The following PIP4K2A variants were observed in gnomAD, a reference collection of about 807,000 sequenced individuals.
PIP4K2A encodes phosphatidylinositol 5-phosphate 4-kinase type-2 alpha.
A neutral mutation model predicts 42.9 loss-of-function variants in PIP4K2A; 14 were observed. The ratio of observed to expected loss-of-function variants is 0.33; its 90% confidence interval spans 0.22 to 0.51. The LOEUF (loss-of-function observed/expected upper bound fraction) is 0.51. Among genes scored for constraint, PIP4K2A ranks in the 20% least tolerant of loss-of-function variants. The probability of loss-of-function intolerance (pLI) is 0.97; values close to 1 mark genes in which losing one functional copy is unlikely to be tolerated. For synonymous variants in PIP4K2A, 192 were observed against 192.2 expected (o/e 1.00, Z 0.01); for missense variants, 434 against 519.8 (o/e 0.83, Z 1.61).
intron 3 of PIP4K2A, among the ~76,000 whole-genome samples, chr10:22,601,983 C>T (rs965510062): frequency 1.3e-5 from 2 of 152,220 alleles, no homozygotes; most frequent in Non-Finnish European, 2.9e-5. Context: ...TTTCAAGCTG[C>T]TCCGTGCTTT....
chr10:22,578,293 G>C (rs1435487406), intron 4 of PIP4K2A, among the ~76,000 whole-genome samples: 1 of 152,126 alleles, frequency 6.6e-6, no homozygotes, highest in Non-Finnish European at 1.5e-5. Flanking sequence ...CTGTTGCTCT[G>C]TAACCCCCCA....
intron 3 of PIP4K2A, among the ~76,000 whole-genome samples, chr10:22,606,167 T>G (rs1049287226): frequency 3.5e-5 from 5 of 144,350 alleles, no homozygotes; most frequent in African/African-American, 5.1e-5. Context: ...AAAAATTAGC[T>G]GGGCATGGTG....
Position 22,712,913 on chromosome 10 carries a change from GGTGTGT to G in PIP4K2A, c.144+1264_144+1269del, listed in dbSNP as rs35439666. 5.4e-5 allele frequency among the ~76,000 whole-genome samples: 8 copies of G among 147,500 alleles called. No individual in the cohort carries two copies. In the South Asian group the frequency reaches 6.5e-4, roughly 12 times the overall value. On this transcript the variant is annotated intron_variant, in intron 1 of 9. Coordinates refer to ENST00000376573, the MANE Select transcript of PIP4K2A (RefSeq NM_005028.5). ...TTTTAAACAACTTCACTACATTGAG[GGTGTGT>G]GTGTGTGTGTGTGTGTGTGTGTCTG...
intron 1 of PIP4K2A, among the ~76,000 whole-genome samples, chr10:22,664,168 CATATATATATATACATATATAT>C (rs1839292590): frequency 3.3e-5 from 1 of 30,228 alleles, no homozygotes; most frequent in East Asian, 7.4e-4. Context: ...TATATATATA[CATATATATATATACATATATAT>C]ACATATATAT....
At chr10:22,659,473 T>C (rs1289622572) in intron 1 of PIP4K2A, 2 of 152,186 alleles carry the variant, frequency 1.3e-5, no homozygotes, top group Non-Finnish European at 2.9e-5. Context: ...GTAATAACAA[T>C]AACATGAGAT....
chr10:22,598,853 A>G (rs1383064780), intron 3 of PIP4K2A, among the ~76,000 whole-genome samples: 4 of 152,202 alleles, frequency 2.6e-5, no homozygotes, highest in African/African-American at 7.2e-5. Context: ...AGTTTATGGG[A>G]AAAAAATCTA....
intron 1 of PIP4K2A, among the ~76,000 whole-genome samples, chr10:22,614,453 G>A (rs1043814900): frequency 2.0e-5 from 3 of 152,112 alleles, no homozygotes; most frequent in African/African-American, 7.2e-5. Context: ...TTTCTTCCAG[G>A]TGGCCTTTCA....
chr10:22,543,987 G>C (rs1448622507), intron 7 of PIP4K2A, among the ~76,000 whole-genome samples: 1 of 152,192 alleles, frequency 6.6e-6, no homozygotes, highest in Non-Finnish European at 1.5e-5. Flanking sequence ...AAGGAGGGGT[G>C]AATTCAGGGC....
intron 1 of PIP4K2A, among the ~76,000 whole-genome samples, chr10:22,664,102 T>TACGTATATATATACATATATATATAC (rs1839275779): frequency 2.3e-5 from 2 of 86,668 alleles, no homozygotes; most frequent in Non-Finnish European, 3.8e-5. Context: ...TATATATATA[T>TACGTATATATATACATATATATATAC]ACATATATAT....
intron 1 of PIP4K2A, among the ~76,000 whole-genome samples, chr10:22,632,570 C>T (rs537506152): frequency 7.2e-4 from 109 of 152,220 alleles, no homozygotes; most frequent in Non-Finnish European, 8.8e-4. Context: ...TCTCTCACAC[C>T]CCACTGGGAT....
intron 2 of PIP4K2A, among the ~76,000 whole-genome samples, chr10:22,608,997 AC>A (rs1564441180): frequency 6.6e-6 from 1 of 152,154 alleles, no homozygotes; most frequent in Non-Finnish European, 1.5e-5. Context: ...ACATATGCAC[AC>A]ACCCCTCCCT....
intron 1 of PIP4K2A, among the ~76,000 whole-genome samples, chr10:22,692,138 CA>C (rs1444195173): frequency 6.6e-5 from 10 of 151,814 alleles, no homozygotes; most frequent in African/African-American, 2.4e-4. Flanking sequence ...TGTTTTCCTG[CA>C]ACTAGATGGT....
chr10:22,660,427 C>T (rs1221975179), intron 1 of PIP4K2A, among the ~76,000 whole-genome samples: 2 of 152,000 alleles, frequency 1.3e-5, no homozygotes, highest in African/African-American at 4.8e-5. Flanking sequence ...GCTGAGATCA[C>T]GCCACTGCAC....
chr10:22,539,912 GGAGAGAGAGA>G (rs35358870), intron 9 of PIP4K2A, 49 bp downstream of exon 9: 44 of 452,208 alleles, frequency 9.7e-5, no homozygotes, highest in African/African-American at 9.7e-4. Context: ...AGAGAGAGAG[GGAGAGAGAGA>G]GAGAGAGAGG....
chr10:22,642,916 A>T (rs1218191697), intron 1 of PIP4K2A, among the ~76,000 whole-genome samples: 1 of 152,160 alleles, frequency 6.6e-6, no homozygotes, highest in Non-Finnish European at 1.5e-5. Flanking sequence ...AACATCTCTG[A>T]TTACATCTTA....
At chr10:22,568,373 CTT>C (rs1425953502) in intron 5 of PIP4K2A, among the ~76,000 whole-genome samples, 1 of 148,586 alleles carries the variant, frequency 6.7e-6, no homozygotes, top group Non-Finnish European at 1.5e-5. Context: ...CACCTGCTGA[CTT>C]TTTTCTGCAA....
At chr10:22,652,271 C>T (rs1490962075) in intron 1 of PIP4K2A, among the ~76,000 whole-genome samples, 1 of 151,986 alleles carries the variant, frequency 6.6e-6, no homozygotes, top group African/African-American at 2.4e-5. Context: ...TACAGGTGCG[C>T]ACCACCATGC....
intron 1 of PIP4K2A, among the ~76,000 whole-genome samples, chr10:22,713,542 C>A (rs1323793361): frequency 6.6e-6 from 1 of 152,228 alleles, no homozygotes; most frequent in Admixed American, 6.5e-5. Context: ...TGCCGCCCGA[C>A]GCCAGAGCCA....
chr10:22,702,472 A>G (rs1264210325), intron 1 of PIP4K2A, among the ~76,000 whole-genome samples: 2 of 152,234 alleles, frequency 1.3e-5, no homozygotes, highest in African/African-American at 4.8e-5. Flanking sequence ...CACGCAGTTC[A>G]CTTGGCGGCC....
Sources: gnomAD v4.1 joint callset for allele counts (sites outside exome capture counted in the v4.1 genomes callset) on GRCh38, gnomAD v4.1.1 for gene constraint, MANE v1.5 for transcripts, NCBI Gene and HGNC (gene_info 2026-07-23, HGNC 2026-07-21) for gene names.